The following TCP11L2 variants were observed in gnomAD, a reference collection of about 807,000 sequenced individuals.
TCP11L2 encodes the protein t-complex 11 like 2.
TCP11L2 carries 39 observed loss-of-function variants against 50.7 expected under a neutral mutation model. The ratio of observed to expected loss-of-function variants is 0.77; its 90% CI spans 0.60 to 1.01. The LOEUF (loss-of-function observed/expected upper bound fraction) is 1.01. Ranked by LOEUF, TCP11L2 falls within the 50% of genes least tolerant of loss-of-function variation. TCP11L2 has a pLI of 0.00. For synonymous variants in TCP11L2, 192 were observed against 219.3 expected (o/e 0.88, Z 1.10); for missense variants, 612 against 614.7 (o/e 1.00, Z 0.05).
At chr12:106,330,878 T>A (rs147101128) in intron 6 of TCP11L2, among the ~76,000 whole-genome samples, 1 of 152,330 alleles carries the variant, frequency 6.6e-6, no homozygotes, top group East Asian at 1.9e-4. Context: ...AAGGGAACTC[T>A]GCTAATAATA....
intron 8 of TCP11L2, among the ~76,000 whole-genome samples, chr12:106,338,253 T>C (rs758815963): frequency 1.3e-5 from 2 of 152,236 alleles, no homozygotes; most frequent in Non-Finnish European, 2.9e-5. Context: ...GGGTTTGGTG[T>C]ACCAGTGATT....
chr12:106,299,077 A>G (rs777499084), upstream of TCP11L2, among the ~76,000 whole-genome samples: 5 of 151,996 alleles, frequency 3.3e-5, no homozygotes, highest in Non-Finnish European at 7.4e-5. Flanking sequence ...CAGCCTCCCA[A>G]AGTGCTGAGA....
chr12:106,336,547 ATTTTTTTTTTTT>A (rs11449901), intron 8 of TCP11L2, among the ~76,000 whole-genome samples: 1 of 102,164 alleles, frequency 9.8e-6, no homozygotes, highest in Non-Finnish European at 1.9e-5. Context: ...GAATTGCGCA[ATTTTTTTTTTTT>A]TTTTTTTTTT....
Position 106,346,269 on chromosome 12 carries a change from C to CT in TCP11L2, c.1316-10dup, listed in dbSNP as rs765709291. 2.5e-6 allele frequency: 4 copies of CT among 1,585,266 alleles called. No homozygotes were observed. The highest frequency in any genetic ancestry group is 2.3e-5 in the South Asian group (2 of 88,386). ...TTTAATAATGGACAGATAAAAGTAT[C>CT]TTTTTTTCCCCTTCAGATAAACGAA... On this transcript the variant is annotated splice_polypyrimidine_tract_variant and intron_variant, in intron 9 of 9. Coordinates refer to ENST00000299045, the MANE Select transcript of TCP11L2 (RefSeq NM_152772.3).
At chr12:106,314,163 G>A (rs2034974287) in intron 2 of TCP11L2, among the ~76,000 whole-genome samples, 195 bp from the exon 3 acceptor site, 1 of 152,178 alleles carries the variant, frequency 6.6e-6, no homozygotes, top group South Asian at 2.1e-4. Context: ...GGTAACTGAA[G>A]CTATTGAAGG....
chr12:106,305,772 AC>A (rs757720068), intron 1 of TCP11L2, among the ~76,000 whole-genome samples: 6 of 152,228 alleles, frequency 3.9e-5, no homozygotes, highest in Non-Finnish European at 7.3e-5. Flanking sequence ...TAGGGAGCCA[AC>A]CACAAGGAGA....
intron 4 of TCP11L2, 129 bp from the exon 5 acceptor site, chr12:106,321,357 G>C (rs1287454871): frequency 2.7e-6 from 2 of 739,390 alleles, no homozygotes; most frequent in African/African-American, 1.7e-5. Flanking sequence ...CATGCAGTCA[G>C]TGCCAACTTC....
rs558298544 is a variant in TCP11L2, at chr12:106,318,610, C to G, written c.414+146C>G. ...TGGGAAGTCCAAAATCAAAGCACCA[C>G]CAGATTCGGCATCTGGTGAGGGCTC... On this transcript the variant is annotated intron_variant, in intron 4 of 9. Transcript: ENST00000299045. 5 of 961,104 alleles carry G rather than the reference C, an allele frequency of 5.2e-6. No homozygotes were observed. In the East Asian group the frequency reaches 8.6e-5, roughly 16 times the overall value. The allele number at this position is 961,104 out of a possible 1,614,324, so 59.5% of individuals were successfully genotyped here.
chr12:106,346,295 T>C lies in TCP11L2; in HGVS notation c.1325T>C (p.Ile442Thr). The change falls in exon 10 of 10, where the codon ATT (isoleucine) becomes ACT (threonine). Residue 442 changes from isoleucine (I) to threonine (T), a missense_variant. By Grantham distance (89) the Ile-to-Thr change is moderately conservative (BLOSUM62 -1). Transcript: ENST00000299045. ...TTTTTTTCCCCTTCAGATAAACGAA[T>C]TAAGCTTTACATGAGAAGGCTACTT... ...NPIWSLIDKRIKLYMRRLLCL... is the reference protein window; with the variant it reads ...NPIWSLIDKRTKLYMRRLLCL... 1 of 1,606,202 alleles carries C rather than the reference T, an allele frequency of 6.2e-7. No homozygotes were observed. Among genetic ancestry groups the C allele is most frequent in the Non-Finnish European group, 8.5e-7 (1 of 1,175,566 alleles).
upstream of TCP11L2, among the ~76,000 whole-genome samples, chr12:106,300,085 T>C (rs1179209494): frequency 1.3e-5 from 2 of 152,054 alleles, no homozygotes; most frequent in African/African-American, 4.8e-5. Flanking sequence ...AAAGGTAAGT[T>C]AGAAAAACTA....
chr12:106,324,392 AGGG>A, intron 6 of TCP11L2: 1 of 152,198 alleles, frequency 6.6e-6, no homozygotes, highest in African/African-American at 2.4e-5. Context: ...AGAGTTGGTA[AGGG>A]GAGAGTGGTA....
chr12:106,306,347 G>A (rs2034633595), intron 1 of TCP11L2, among the ~76,000 whole-genome samples: 1 of 152,132 alleles, frequency 6.6e-6, no homozygotes, highest in Non-Finnish European at 1.5e-5. Context: ...TGCTCTATGT[G>A]CTTTATTATT....
At chr12:106,329,055 G>A (rs1393573298) in intron 6 of TCP11L2, among the ~76,000 whole-genome samples, 2 of 151,892 alleles carry the variant, frequency 1.3e-5, no homozygotes, top group East Asian at 3.9e-4. Flanking sequence ...CCAAAAGAAG[G>A]GAAAGTGAGA....
intron 6 of TCP11L2, among the ~76,000 whole-genome samples, chr12:106,330,917 T>C (rs1209876553): frequency 6.6e-6 from 1 of 152,192 alleles, no homozygotes; most frequent in African/African-American, 2.4e-5. Context: ...ACCTATATTG[T>C]AGTAATATTT....
intron 1 of TCP11L2, among the ~76,000 whole-genome samples, chr12:106,305,703 A>G (rs1477338302): frequency 6.6e-6 from 1 of 152,202 alleles, no homozygotes; most frequent in Non-Finnish European, 1.5e-5. Flanking sequence ...CAGTGAGTGT[A>G]GCAATCAGGG....
At position 106,314,375 on chromosome 12, in the gene TCP11L2, G is replaced by T. The variant is rs893047255; in HGVS notation, c.175G>T (p.Val59Phe). The T allele has an allele frequency of 5.6e-6, 9 of 1,611,512 alleles. No homozygotes were observed. The African/African-American group carries it at 1.2e-4, about 22-fold the overall frequency. The stretch of plus-strand genomic sequence containing the variant: ...TCTTTCAGCAACAAGCCCTCCAAGG[G>T]TTGTAACATTTGATGAAGTGATGGC... The part of the protein sequence containing the change: ...SSPASTSPPR[V>F]VTFDEVMATA... The change falls in exon 3 of 10, where the codon GTT (valine) becomes TTT (phenylalanine). Residue 59 changes from valine (V) to phenylalanine (F), a missense_variant. By Grantham distance (50) the Val-to-Phe change is conservative (BLOSUM62 -1). Transcript: ENST00000299045.
chr12:106,329,462 C>G, intron 6 of TCP11L2: 1 of 1,527,566 alleles, frequency 6.5e-7, no homozygotes, highest in Non-Finnish European at 8.7e-7. Context: ...TCACTCTAAA[C>G]GCATGCTCCT....
intron 6 of TCP11L2, among the ~76,000 whole-genome samples, chr12:106,327,413 C>CT (rs1028136876): frequency 3.9e-5 from 6 of 152,232 alleles, no homozygotes; most frequent in African/African-American, 1.2e-4. Flanking sequence ...AGGCTGGTCT[C>CT]TAACTACTGG....
At chr12:106,338,238 C>T (rs778242043) in intron 8 of TCP11L2, among the ~76,000 whole-genome samples, 1 of 152,066 alleles carries the variant, frequency 6.6e-6, no homozygotes, top group Non-Finnish European at 1.5e-5. Context: ...AATTGAGGGT[C>T]ACTGGGGTTT....
Sources: allele counts gnomAD v4.1 joint callset (sites outside exome capture counted in the v4.1 genomes callset), GRCh38; gene constraint gnomAD v4.1.1; transcripts MANE v1.5; gene names NCBI Gene and HGNC (gene_info 2026-07-23, HGNC 2026-07-21).